ASTN2: variants seen among roughly 807,000 people sequenced by gnomAD.
ASTN2 encodes astrotactin 2.
A neutral mutation model predicts 139.8 loss-of-function variants in ASTN2; 54 were observed. That is an observed-to-expected ratio of 0.39 (90% confidence interval 0.31 to 0.48). ASTN2 has a LOEUF of 0.48. ASTN2 is among the 20% of genes least tolerant of loss of function. The pLI is 0.95. For missense variants in ASTN2, 1,565 were observed against 1,725.1 expected, an observed-to-expected ratio of 0.91 and a Z score of 1.64; for synonymous variants, 756 against 719.5, an observed-to-expected ratio of 1.05 and a Z score of -0.81.
intron 2 of ASTN2, among the ~76,000 whole-genome samples, chr9:117,245,562 C>T (rs1169021293): frequency 6.6e-6 from 1 of 152,128 alleles, no homozygotes; most frequent in Admixed American, 6.6e-5. Context: ...GGTGGAGACC[C>T]ACATTGCAGG....
intron 13 of ASTN2, among the ~76,000 whole-genome samples, chr9:116,782,229 T>C (rs1830238538): frequency 2.0e-5 from 3 of 152,182 alleles, no homozygotes; most frequent in African/African-American, 7.2e-5. Context: ...TGGAGTTTTA[T>C]TAAAAAGCAA....
chr9:116,875,953 C>CT lies in ASTN2; in HGVS notation c.1890-12221dup, dbSNP rs1462092785. On this transcript the variant is annotated intron_variant, in intron 10 of 22. Coordinates refer to ENST00000313400, the MANE Select transcript of ASTN2 (RefSeq NM_001365068.1). ...TTTTCATGCATTCTAACACAGCATC[C>CT]TTTTTTGCAGCCCATGCATGAAGAA... Among the ~76,000 whole-genome samples the CT allele has an allele frequency of 2.0e-5, 3 of 152,196 alleles. No individual in the cohort carries two copies. In the East Asian group the frequency reaches 5.8e-4, roughly 29 times the overall value.
At chr9:116,523,779 C>G (rs1850977965) in intron 19 of ASTN2, among the ~76,000 whole-genome samples, 1 of 152,112 alleles carries the variant, frequency 6.6e-6, no homozygotes, top group East Asian at 1.9e-4. Flanking sequence ...ATATTATTTT[C>G]TAGAGTCACA....
At chr9:117,378,370 T>C (rs983138740) in intron 1 of ASTN2, among the ~76,000 whole-genome samples, 7 of 152,186 alleles carry the variant, frequency 4.6e-5, no homozygotes, top group Non-Finnish European at 8.8e-5. Context: ...GAACTTTATA[T>C]GACACAATAC....
intron 17 of ASTN2, among the ~76,000 whole-genome samples, chr9:116,650,332 A>G (rs1465634847): frequency 6.6e-6 from 1 of 152,196 alleles, no homozygotes; most frequent in East Asian, 1.9e-4. Flanking sequence ...CAGTGAATCA[A>G]TAATTCATAT....
intron 6 of ASTN2, among the ~76,000 whole-genome samples, chr9:117,016,553 G>A (rs1436440259): frequency 7.1e-6 from 1 of 140,480 alleles, no homozygotes; most frequent in Non-Finnish European, 1.5e-5. Context: ...AAAGACCATG[G>A]AGATGAACAG....
rs147787774 is a variant in ASTN2 at position 116,902,342 on chromosome 9, T to C, written c.1890-38609A>G. ...AGAAAAAAGGTTTATAGAATAAACA[T>C]ATAAAGAAAGAAAATATTTTTGTAC... On this transcript the variant is annotated intron_variant, in intron 10 of 22. Transcript: ENST00000313400. 1.7e-3 allele frequency among the ~76,000 whole-genome samples: 263 copies of C among 152,270 alleles called. 3 individuals are homozygous for C. The East Asian group carries it at 0.04, about 23-fold the overall frequency.
chr9:116,496,636 G>A (rs1409920862), intron 19 of ASTN2, among the ~76,000 whole-genome samples: 2 of 152,160 alleles, frequency 1.3e-5, no homozygotes. Flanking sequence ...ATTCCCATTG[G>A]TTGGGTCCTG....
intron 19 of ASTN2, among the ~76,000 whole-genome samples, chr9:116,536,940 C>T (rs1214634730): frequency 6.6e-6 from 1 of 152,192 alleles, no homozygotes; most frequent in Non-Finnish European, 1.5e-5. Context: ...TTAGGCTATG[C>T]CCTGCCCCCA....
intron 3 of ASTN2, among the ~76,000 whole-genome samples, chr9:117,173,191 C>T (rs992017939): frequency 6.6e-6 from 1 of 152,120 alleles, no homozygotes; most frequent in African/African-American, 2.4e-5. Context: ...AATAAAACCA[C>T]AGCAATCCAA....
chr9:116,625,329 G>A (rs991663954), intron 17 of ASTN2, among the ~76,000 whole-genome samples: 2 of 152,182 alleles, frequency 1.3e-5, no homozygotes, highest in Non-Finnish European at 2.9e-5. Context: ...AGTTACTCGG[G>A]AGGCTGAGGA....
At chr9:117,137,657 A>G (rs1225508172) in intron 4 of ASTN2, among the ~76,000 whole-genome samples, 2 of 152,198 alleles carry the variant, frequency 1.3e-5, no homozygotes, top group Non-Finnish European at 2.9e-5. Flanking sequence ...TTAATAGACT[A>G]AGATTCATTC....
chr9:117,261,675 T>C (rs910261447), intron 2 of ASTN2, among the ~76,000 whole-genome samples: 2 of 152,114 alleles, frequency 1.3e-5, no homozygotes, highest in African/African-American at 4.8e-5. Flanking sequence ...TCCTCCACCA[T>C]CTGTAGCCCT....
rs185812803 is a variant in ASTN2 at position 117,133,040 on chromosome 9, C to T, written c.1168+8286G>A. On this transcript the variant is annotated intron_variant, in intron 4 of 22. Transcript: ENST00000313400. ...TTCTCTAAAGATCCTCCCTGAGTAT[C>T]CATTGCACTTAGGGCAGGGTTGGGG... 4.4e-4 allele frequency among the ~76,000 whole-genome samples: 67 copies of T among 152,262 alleles called. No homozygotes were observed. The Middle Eastern group carries it at 0.01, about 23-fold the overall frequency.
chr9:116,823,780 C>T (rs1326810), intron 11 of ASTN2, among the ~76,000 whole-genome samples: 108,440 of 152,122 alleles, frequency 0.71, 38,780 homozygotes, highest in Admixed American at 0.79. Flanking sequence ...ATTTGATCCA[C>T]GCCTGTGGGA....
chr9:116,663,316 T>C (rs898154485), intron 16 of ASTN2, among the ~76,000 whole-genome samples: 1 of 152,050 alleles, frequency 6.6e-6, no homozygotes, highest in African/African-American at 2.4e-5. Context: ...GGAGGCCACT[T>C]TGGGGCCAGG....
chr9:116,937,043 C>A (rs968162629), intron 10 of ASTN2, among the ~76,000 whole-genome samples: 1 of 152,104 alleles, frequency 6.6e-6, no homozygotes, highest in African/African-American at 2.4e-5. Context: ...TAAACACAGG[C>A]CTGGTAACTT....
At chr9:117,307,648 A>T (rs1290157954) in intron 1 of ASTN2, among the ~76,000 whole-genome samples, 1 of 152,216 alleles carries the variant, frequency 6.6e-6, no homozygotes, top group East Asian at 1.9e-4. Flanking sequence ...GGTTCTTTAC[A>T]CAGGTAGGCA....
At chr9:116,694,682 A>T (rs1860753745) in intron 16 of ASTN2, among the ~76,000 whole-genome samples, 1 of 147,234 alleles carries the variant, frequency 6.8e-6, no homozygotes, top group South Asian at 2.2e-4. Flanking sequence ...CGTCTTAGCC[A>T]GGATGGTCTC....
Sources: gnomAD v4.1 joint callset for allele counts (sites outside exome capture counted in the v4.1 genomes callset) on GRCh38, gnomAD v4.1.1 for gene constraint, MANE v1.5 for transcripts, NCBI Gene and HGNC (gene_info 2026-07-23, HGNC 2026-07-21) for gene names.